The following ZFHX3 variants were observed in gnomAD, a reference collection of about 807,000 sequenced individuals.
The protein encoded by ZFHX3 is zinc finger homeobox 3.
Under a neutral mutation model 279.1 loss-of-function variants are expected in ZFHX3, and 42 were observed. The ratio of observed to expected loss-of-function variants is 0.15; its 90% CI spans 0.12 to 0.19. The LOEUF is 0.19. Among genes scored for constraint, ZFHX3 ranks in the 10% least tolerant of loss-of-function variants. The pLI is 1.00. For missense variants in ZFHX3, 4,981 were observed against 4,754.0 expected, an observed-to-expected ratio of 1.05 and a Z score of -1.40; for synonymous variants, 2,293 against 1,957.8, an observed-to-expected ratio of 1.17 and a Z score of -4.52.
intron 2 of ZFHX3, among the ~76,000 whole-genome samples, chr16:73,542,516 C>T (rs1383386929): frequency 6.6e-6 from 1 of 152,106 alleles, no homozygotes; most frequent in Non-Finnish European, 1.5e-5. Context: ...GGTAACCTCT[C>T]ATTTTTCAGT....
chr16:73,689,150 A>C (rs2053121437), intron 1 of ZFHX3, among the ~76,000 whole-genome samples: 1 of 152,214 alleles, frequency 6.6e-6, no homozygotes, highest in African/African-American at 2.4e-5. Flanking sequence ...ATACTGATTG[A>C]ACTTAAATTC....
intron 2 of ZFHX3, among the ~76,000 whole-genome samples, chr16:73,509,372 C>T (rs1477862187): frequency 6.6e-6 from 1 of 151,908 alleles, no homozygotes; most frequent in Non-Finnish European, 1.5e-5. Flanking sequence ...CCTAAACAAT[C>T]CATCAGCCAG....
chr16:73,054,598 C>T (rs920880768), intron 1 of ZFHX3, among the ~76,000 whole-genome samples: 1 of 151,784 alleles, frequency 6.6e-6, no homozygotes, highest in Non-Finnish European at 1.5e-5. Context: ...GAAGAGGTGG[C>T]GAAGAGACAA....
intron 1 of ZFHX3, among the ~76,000 whole-genome samples, chr16:73,834,307 G>T (rs1389241279): frequency 6.6e-6 from 1 of 152,200 alleles, no homozygotes; most frequent in African/African-American, 2.4e-5. Flanking sequence ...AAGAGCAACA[G>T]ATGAAGGATC....
chr16:73,194,000 T>G (rs1387327170), intron 5 of ZFHX3, among the ~76,000 whole-genome samples: 1 of 152,160 alleles, frequency 6.6e-6, no homozygotes, highest in African/African-American at 2.4e-5. Context: ...GCTAGGACCC[T>G]CTAGTCCAGT....
At chr16:73,465,076 G>C (rs113524493) in intron 2 of ZFHX3, among the ~76,000 whole-genome samples, 1 of 152,134 alleles carries the variant, frequency 6.6e-6, no homozygotes, top group Admixed American at 6.5e-5. Context: ...AGCTGCTCTT[G>C]CTCATCTGTG....
At chr16:72,963,440 T>C (rs1293100707) in intron 1 of ZFHX3, among the ~76,000 whole-genome samples, 2 of 152,196 alleles carry the variant, frequency 1.3e-5, no homozygotes, top group Non-Finnish European at 2.9e-5. Flanking sequence ...AAAGGGAAGA[T>C]AGGAATGACC....
At chr16:73,379,989 A>G (rs772982591) in intron 3 of ZFHX3, among the ~76,000 whole-genome samples, 2 of 152,194 alleles carry the variant, frequency 1.3e-5, no homozygotes, top group Non-Finnish European at 2.9e-5. Flanking sequence ...ATATAGCTAC[A>G]TTAATTGATT....
chr16:73,589,186 G>T (rs764322667), intron 2 of ZFHX3, among the ~76,000 whole-genome samples: 2 of 144,714 alleles, frequency 1.4e-5, no homozygotes, highest in Admixed American at 1.4e-4. Context: ...CTTGACCCTC[G>T]GAGGGGAAGG....
intron 2 of ZFHX3, among the ~76,000 whole-genome samples, chr16:72,951,762 A>G (rs925781431): frequency 2.6e-5 from 4 of 152,238 alleles, no homozygotes; most frequent in African/African-American, 9.6e-5. Context: ...AGTGACCAAC[A>G]TGACTTTCTG....
chr16:73,155,195 C>A (rs1466840180), intron 5 of ZFHX3, among the ~76,000 whole-genome samples: 117 of 133,300 alleles, frequency 8.8e-4, no homozygotes, highest in African/African-American at 1.1e-3. Flanking sequence ...AAAAAAAAAA[C>A]AAAAAAAAGG....
intron 5 of ZFHX3, among the ~76,000 whole-genome samples, chr16:73,176,605 TC>T (rs1472931963): frequency 4.3e-4 from 63 of 145,646 alleles, no homozygotes; most frequent in African/African-American, 1.6e-3. Flanking sequence ...TTCTTCTTCT[TC>T]TCCTTTTTTT....
chr16:73,075,944 A>C (rs570709181), intron 8 of ZFHX3, among the ~76,000 whole-genome samples: 76 of 152,280 alleles, frequency 5.0e-4, no homozygotes, highest in African/African-American at 1.7e-3. Flanking sequence ...TTTCATCATA[A>C]AAATGAAACA....
chr16:72,954,445 G>C (rs989704881), intron 2 of ZFHX3, among the ~76,000 whole-genome samples: 2 of 152,186 alleles, frequency 1.3e-5, no homozygotes, highest in African/African-American at 2.4e-5. Flanking sequence ...TCTTGGAGCA[G>C]GTCCCCATCT....
At chr16:73,834,875 C>T (rs567138936) in intron 1 of ZFHX3, among the ~76,000 whole-genome samples, 1 of 151,206 alleles carries the variant, frequency 6.6e-6, no homozygotes, top group African/African-American at 2.4e-5. Context: ...GGCGACAGTA[C>T]GAGACTTCGT....
chr16:73,679,965 C>G (rs1023400490), intron 2 of ZFHX3: 1 of 152,144 alleles, frequency 6.6e-6, no homozygotes, highest in African/African-American at 2.4e-5. Flanking sequence ...CTGTGATGAG[C>G]CAAGTCAAAT....
intron 2 of ZFHX3, among the ~76,000 whole-genome samples, chr16:73,605,622 C>G (rs1485961103): frequency 1.3e-5 from 2 of 148,178 alleles, no homozygotes; most frequent in African/African-American, 5.0e-5. Flanking sequence ...TATCTGCTTA[C>G]AAAGTCAATA....
At chr16:73,171,777 T>G (rs1394509253) in intron 5 of ZFHX3, among the ~76,000 whole-genome samples, 1 of 152,206 alleles carries the variant, frequency 6.6e-6, no homozygotes. Context: ...TCCATGCTAC[T>G]GTGCCCCTGA....
At chr16:72,912,716 TTTTTATTATTA>T (rs1392113498) in intron 3 of ZFHX3, among the ~76,000 whole-genome samples, 2 of 151,918 alleles carry the variant, frequency 1.3e-5, no homozygotes, top group African/African-American at 2.4e-5. Flanking sequence ...GAATTAAAGA[TTTTTATTATTA>T]TTTTATTATT....
Sources: gnomAD v4.1 joint callset for allele counts (sites outside exome capture counted in the v4.1 genomes callset) on GRCh38, gnomAD v4.1.1 for gene constraint, MANE v1.5 for transcripts, NCBI Gene and HGNC (gene_info 2026-07-23, HGNC 2026-07-21) for gene names.